RGS6: variants seen among roughly 807,000 people sequenced by gnomAD.
RGS6 encodes the protein regulator of G protein signaling 6.
RGS6 carries 30 observed loss-of-function variants against 78.5 expected under a neutral mutation model. That is an observed-to-expected ratio of 0.38 (90% CI 0.29 to 0.52). The LOEUF (loss-of-function observed/expected upper bound fraction) is 0.52. Among genes scored for constraint, RGS6 ranks in the 20% least tolerant of loss-of-function variants. RGS6 has a pLI of 0.85. For missense variants in RGS6, 495 were observed against 609.7 expected, an observed-to-expected ratio of 0.81 and a Z score of 1.98; for synonymous variants, 206 against 206.0, an observed-to-expected ratio of 1.00 and a Z score of 0.00.
chr14:72,215,825 G>A (rs1477601751), intron 2 of RGS6, among the ~76,000 whole-genome samples: 1 of 152,168 alleles, frequency 6.6e-6, no homozygotes, highest in African/African-American at 2.4e-5. Context: ...AAAGTACATT[G>A]ATTTCTTTAT....
At chr14:72,123,746 C>A (rs2096117574) in intron 2 of RGS6, among the ~76,000 whole-genome samples, 1 of 152,150 alleles carries the variant, frequency 6.6e-6, no homozygotes, top group African/African-American at 2.4e-5. Context: ...TGCCCAAGAC[C>A]TTATATAAGC....
intron 2 of RGS6, among the ~76,000 whole-genome samples, chr14:72,279,735 T>A (rs931076582): frequency 3.9e-5 from 6 of 152,122 alleles, no homozygotes; most frequent in African/African-American, 1.2e-4. Context: ...CGATGGGGTG[T>A]TGGTTCAGAG....
intron 16 of RGS6, among the ~76,000 whole-genome samples, chr14:72,538,166 T>C (rs1456933913): frequency 6.6e-6 from 1 of 152,214 alleles, no homozygotes; most frequent in Non-Finnish European, 1.5e-5. Context: ...ATGGATCTGA[T>C]TTGTAACTCG....
At chr14:71,928,569 T>G (rs563010517), upstream of RGS6, among the ~76,000 whole-genome samples, 77 of 152,346 alleles carry the variant, frequency 5.1e-4, no homozygotes, top group African/African-American at 1.8e-3. Context: ...TCAATGAAGT[T>G]ATTGAAACTA....
the RGS6 span, among the ~76,000 whole-genome samples, chr14:72,580,764 A>G: frequency 6.6e-6 from 1 of 152,222 alleles, no homozygotes; most frequent in African/African-American, 2.4e-5. Flanking sequence ...TCAGCTTCCT[A>G]CATGGCCAAG....
chr14:72,426,037 CTT>C (rs2094421807), intron 3 of RGS6, among the ~76,000 whole-genome samples: 1 of 152,164 alleles, frequency 6.6e-6, no homozygotes, highest in African/African-American at 2.4e-5. Context: ...AAAATAAACT[CTT>C]TTAACAAAAA....
chr14:72,283,314 T>A (rs1333133834), intron 2 of RGS6, among the ~76,000 whole-genome samples: 1 of 152,200 alleles, frequency 6.6e-6, no homozygotes, highest in Admixed American at 6.5e-5. Context: ...CTGGATCATA[T>A]GATAGTGCTA....
At chr14:71,891,369 C>T in the RGS6 span, among the ~76,000 whole-genome samples, 2 of 152,176 alleles carry the variant, frequency 1.3e-5, no homozygotes, top group African/African-American at 4.8e-5. Flanking sequence ...TGGCTCCTCC[C>T]ATGGCTGGCA....
chr14:72,235,070 T>C (rs561977721), intron 2 of RGS6, among the ~76,000 whole-genome samples: 3 of 152,336 alleles, frequency 2.0e-5, no homozygotes, highest in Admixed American at 1.3e-4. Flanking sequence ...ATTTAGTTGT[T>C]TGTTTATTGT....
upstream of RGS6, among the ~76,000 whole-genome samples, chr14:71,927,658 T>C (rs1011566242): frequency 1.6e-4 from 24 of 149,952 alleles, no homozygotes; most frequent in Admixed American, 1.5e-3. Flanking sequence ...GAATCCTTTT[T>C]TTTTCTTTTT....
At chr14:72,465,629 GAT>G in intron 6 of RGS6, 127 bp from the exon 7 acceptor site, 1 of 619,118 alleles carries the variant, frequency 1.6e-6, no homozygotes, top group East Asian at 3.1e-5. Context: ...TGGGTGGATG[GAT>G]GGATGGATGG....
At chr14:72,442,835 T>C (rs1248894880) in intron 3 of RGS6, among the ~76,000 whole-genome samples, 1 of 152,246 alleles carries the variant, frequency 6.6e-6, no homozygotes, top group Non-Finnish European at 1.5e-5. Context: ...AGGGCTTAGC[T>C]GTAGCTGGGA....
chr14:72,492,430 G>A (rs1035048197), intron 12 of RGS6, among the ~76,000 whole-genome samples: 1 of 152,186 alleles, frequency 6.6e-6, no homozygotes, highest in Non-Finnish European at 1.5e-5. Context: ...TCTGGAATGA[G>A]GGTTTTCAAG....
At chr14:72,488,406 G>A (rs137892772) in intron 12 of RGS6, among the ~76,000 whole-genome samples, 8 of 152,228 alleles carry the variant, frequency 5.3e-5, no homozygotes, top group African/African-American at 9.6e-5. Flanking sequence ...TATGTTGGGT[G>A]GTCACAAAAA....
intron 2 of RGS6, among the ~76,000 whole-genome samples, chr14:72,290,802 C>A (rs2063447055): frequency 6.6e-6 from 1 of 152,226 alleles, no homozygotes; most frequent in South Asian, 2.1e-4. Context: ...CTGCTACTCT[C>A]ACCAGCAACA....
At chr14:72,506,879 T>A (rs1286804710) in intron 13 of RGS6, among the ~76,000 whole-genome samples, 2 of 151,278 alleles carry the variant, frequency 1.3e-5, no homozygotes, top group Non-Finnish European at 2.9e-5. Context: ...CTGGGCATAG[T>A]GGCTCACGCC....
chr14:72,130,535 T>G (rs1157239594), intron 2 of RGS6, among the ~76,000 whole-genome samples: 1 of 152,178 alleles, frequency 6.6e-6, no homozygotes, highest in Non-Finnish European at 1.5e-5. Flanking sequence ...AAGGGGTTCA[T>G]TATGAACAAC....
chr14:72,470,911 C>T (rs554576821), intron 8 of RGS6, among the ~76,000 whole-genome samples: 2 of 150,638 alleles, frequency 1.3e-5, no homozygotes, highest in African/African-American at 2.4e-5. Context: ...GATTATAGGG[C>T]GTGACACTGG....
intron 1 of RGS6, among the ~76,000 whole-genome samples, chr14:71,962,271 G>T (rs965837366): frequency 2.0e-5 from 3 of 151,888 alleles, no homozygotes; most frequent in African/African-American, 7.3e-5. Context: ...AAATGCTTCT[G>T]TTGGTGGGAG....
Sources: allele counts gnomAD v4.1 joint callset (sites outside exome capture counted in the v4.1 genomes callset), GRCh38; gene constraint gnomAD v4.1.1; transcripts MANE v1.5; gene names NCBI Gene and HGNC (gene_info 2026-07-23, HGNC 2026-07-21).